MAST2: variants seen among roughly 807,000 people sequenced by gnomAD.
The protein encoded by MAST2 is microtubule associated serine/threonine kinase 2.
MAST2 carries 70 observed loss-of-function variants against 147.4 expected under a neutral mutation model. The ratio of observed to expected loss-of-function variants is 0.47; its 90% CI spans 0.39 to 0.58. The LOEUF (loss-of-function observed/expected upper bound fraction) is 0.58. MAST2 is among the 20% of genes least tolerant of loss of function. The pLI is 0.00. For missense variants in MAST2, 2,080 were observed against 2,302.3 expected (o/e 0.90, Z 1.98); for synonymous variants, 869 against 896.8 (o/e 0.97, Z 0.55).
At chr1:45,962,952 G>A (rs1660649291) in intron 5 of MAST2, among the ~76,000 whole-genome samples, 1 of 152,172 alleles carries the variant, frequency 6.6e-6, no homozygotes, top group African/African-American at 2.4e-5. Context: ...ACGGTGTAAG[G>A]AAGGGATCCA....
At chr1:45,908,966 G>A (rs1651221243) in intron 4 of MAST2, among the ~76,000 whole-genome samples, 1 of 152,142 alleles carries the variant, frequency 6.6e-6, no homozygotes, top group African/African-American at 2.4e-5. Flanking sequence ...GTAATTTGTA[G>A]TAGAATGGCT....
chr1:45,992,761 G>A (rs1369306941), intron 5 of MAST2, among the ~76,000 whole-genome samples: 1 of 151,814 alleles, frequency 6.6e-6, no homozygotes, highest in African/African-American at 2.4e-5. Flanking sequence ...TTTTAATTGG[G>A]GCATTTAATG....
intron 4 of MAST2, among the ~76,000 whole-genome samples, chr1:45,891,224 G>A (rs948218374): frequency 6.6e-6 from 1 of 152,188 alleles, no homozygotes; most frequent in African/African-American, 2.4e-5. Context: ...GGATGTACTA[G>A]CTCACACCTG....
chr1:45,878,064 C>G (rs912369976), intron 3 of MAST2, among the ~76,000 whole-genome samples: 1 of 151,946 alleles, frequency 6.6e-6, no homozygotes, highest in Non-Finnish European at 1.5e-5. Flanking sequence ...ATTAGCCAGG[C>G]ATGGTGGCAC....
Position 46,034,916 on chromosome 1 carries a change from C to T in MAST2, c.4247C>T (p.Ala1416Val). 1 of 1,614,178 alleles carries T rather than the reference C, an allele frequency of 6.2e-7. No homozygotes were observed. The highest frequency in any genetic ancestry group is 8.5e-7 in the Non-Finnish European group (1 of 1,180,028). The change falls in exon 29 of 29, where the codon GCC (alanine) becomes GTC (valine). Residue 1416 changes from alanine to valine, a missense_variant. Coordinates refer to ENST00000361297, the MANE Select transcript of MAST2 (RefSeq NM_015112.3). The stretch of plus-strand genomic sequence containing the variant: ...GCTGAGAAACTGGCAGCAGCACTTG[C>T]CGCCTCTGAGAAGAAGCTAGCCACT... ...QSAEKLAAAL[A>V]ASEKKLATSR...
intron 20 of MAST2, 60 bp downstream of exon 20, chr1:46,030,013 G>A: frequency 1.2e-6 from 2 of 1,609,604 alleles, no homozygotes; most frequent in Non-Finnish European, 1.7e-6. Context: ...AGAAACACCT[G>A]TGCACACTGA....
chr1:45,917,929 C>G (rs1156466644), intron 4 of MAST2, among the ~76,000 whole-genome samples: 1 of 152,138 alleles, frequency 6.6e-6, no homozygotes, highest in Non-Finnish European at 1.5e-5. Context: ...GGAAAATAGC[C>G]CTTCTCCCAT....
At chr1:45,931,104 C>T (rs12561806) in intron 4 of MAST2, among the ~76,000 whole-genome samples, 67,833 of 152,024 alleles carry the variant, frequency 0.45, 15,321 homozygotes, top group East Asian at 0.63. Flanking sequence ...ATTCATATTT[C>T]ACCAAATGTC....
At chr1:45,872,558 G>A (rs1328183536) in intron 3 of MAST2, among the ~76,000 whole-genome samples, 2 of 150,096 alleles carry the variant, frequency 1.3e-5, no homozygotes, top group African/African-American at 2.5e-5. Context: ...TCGGCTCACC[G>A]CAACCTCCAC....
intron 4 of MAST2, among the ~76,000 whole-genome samples, chr1:45,909,547 G>A (rs1651334074): frequency 6.6e-6 from 1 of 150,424 alleles, no homozygotes; most frequent in Admixed American, 6.6e-5. Flanking sequence ...TGGAGACAGA[G>A]TCTGGCTCTG....
chr1:45,836,777 C>T (rs898710020), intron 3 of MAST2, among the ~76,000 whole-genome samples: 1 of 152,134 alleles, frequency 6.6e-6, no homozygotes, highest in Non-Finnish European at 1.5e-5. Flanking sequence ...GTTGTGTCAC[C>T]ACCACCACAA....
intron 4 of MAST2, among the ~76,000 whole-genome samples, chr1:45,930,554 C>T (rs146156053): frequency 1.6e-4 from 25 of 152,260 alleles, no homozygotes; most frequent in African/African-American, 5.3e-4. Context: ...CCCACATAGG[C>T]AATAGAACAC....
intron 5 of MAST2, among the ~76,000 whole-genome samples, chr1:45,964,568 T>G (rs1396522318): frequency 6.6e-6 from 1 of 152,170 alleles, no homozygotes; most frequent in Non-Finnish European, 1.5e-5. Context: ...TGATAACCCC[T>G]TTATCATTTT....
At chr1:46,024,228 C>T (rs1030818242) in intron 15 of MAST2, 4 of 490,124 alleles carry the variant, frequency 8.2e-6, no homozygotes, top group Admixed American at 3.3e-5. Context: ...GAATCTTGCA[C>T]CCCAAAGCCT....
intron 7 of MAST2, 66 bp downstream of exon 7, chr1:46,002,949 A>C (rs1645334340): frequency 2.0e-6 from 3 of 1,476,724 alleles, no homozygotes; most frequent in African/African-American, 1.4e-5. Flanking sequence ...TGGGTTATCT[A>C]GTGTCACAAA....
intron 4 of MAST2, among the ~76,000 whole-genome samples, chr1:45,930,288 C>T (rs1655064004): frequency 6.6e-6 from 1 of 152,004 alleles, no homozygotes; most frequent in Non-Finnish European, 1.5e-5. Context: ...ACCATCTTGG[C>T]CAGGCTGATC....
At chr1:45,939,945 C>T (rs4468105) in intron 4 of MAST2, among the ~76,000 whole-genome samples, 3 of 140,708 alleles carry the variant, frequency 2.1e-5, no homozygotes, top group Admixed American at 1.5e-4. Context: ...ACACTGAGTT[C>T]TAATCCAAGA....
At chr1:46,016,567 C>G (rs1399236168) in intron 10 of MAST2, among the ~76,000 whole-genome samples, 1 of 152,096 alleles carries the variant, frequency 6.6e-6, no homozygotes, top group Non-Finnish European at 1.5e-5. Flanking sequence ...TGAGTGAACT[C>G]CCATTCACAA....
Position 46,035,838 on chromosome 1 carries a change from G to A in MAST2, c.5169G>A (p.Gln1723=), listed in dbSNP as rs1646883303. 10 of 1,614,022 alleles carry A rather than the reference G, an allele frequency of 6.2e-6. No homozygotes were observed. The highest frequency in any genetic ancestry group is 1.7e-5 in the Admixed American group (1 of 60,008). The part of the protein sequence containing the change: ...LAHPSYEDPS[Q]GWLWESECAQ... ...ATCCATCTTATGAGGATCCCAGCCA[G>A]GGCTGGCTATGGGAGTCTGAGTGTG... The change falls in exon 29 of 29, where the codon CAG becomes CAA. Residue 1723 remains glutamine, a synonymous_variant. Coordinates refer to ENST00000361297, the MANE Select transcript of MAST2 (RefSeq NM_015112.3). This position sits in a 1 kb window ranked among gnomAD's most constrained non-coding sequence, Gnocchi z 5.5.
Sources: gnomAD v4.1 joint callset for allele counts (sites outside exome capture counted in the v4.1 genomes callset) on GRCh38, gnomAD v4.1.1 for gene constraint, Gnocchi (gnomAD v3.1) non-coding constraint, MANE v1.5 for transcripts, NCBI Gene and HGNC (gene_info 2026-07-23, HGNC 2026-07-21) for gene names.